The following VEPH1 variants were observed in gnomAD, a reference collection of about 807,000 sequenced individuals.
VEPH1 encodes ventricular zone expressed PH domain containing 1.
VEPH1 carries 80 observed loss-of-function variants against 85.2 expected under a neutral mutation model. The ratio of observed to expected loss-of-function variants is 0.94; its 90% CI spans 0.78 to 1.13. The LOEUF (loss-of-function observed/expected upper bound fraction) is 1.13. Ranked by LOEUF, VEPH1 falls within the 50% of genes most tolerant of loss-of-function variation. The pLI is 0.00. For synonymous variants in VEPH1, 297 were observed against 348.0 expected (o/e 0.85, Z 1.63); for missense variants, 955 against 980.5 (o/e 0.97, Z 0.35).
intron 12 of VEPH1, among the ~76,000 whole-genome samples, chr3:157,270,814 T>C (rs1037824923): frequency 6.6e-6 from 1 of 152,054 alleles, no homozygotes; most frequent in African/African-American, 2.4e-5. Flanking sequence ...TATGGCATTT[T>C]ACAAATTCTA....
chr3:157,435,951 T>C (rs1201957345), intron 4 of VEPH1, among the ~76,000 whole-genome samples: 6 of 152,316 alleles, frequency 3.9e-5, no homozygotes, highest in Middle Eastern at 3.4e-3. Context: ...CAGCTTTTTT[T>C]CCCCATTCTA....
In VEPH1 at chr3:157,342,789, T is replaced by G. The variant is rs557506335; in HGVS notation, c.1735+20575A>C. Among the ~76,000 whole-genome samples the G allele has an allele frequency of 1.3e-4, 20 of 152,238 alleles. 2 individuals are homozygous for G. In the South Asian group the frequency reaches 4.2e-3, roughly 32 times the overall value. On this transcript the variant is annotated intron_variant, in intron 9 of 13. Coordinates refer to ENST00000362010, the MANE Select transcript of VEPH1 (RefSeq NM_001167912.2). ...CACATAGTTGGAAGTAAAGCACTCC[T>G]CAGCAAATGTAAAAGAACAGAAATT...
chr3:157,335,132 A>T (rs1389736408), intron 9 of VEPH1, among the ~76,000 whole-genome samples: 1 of 152,186 alleles, frequency 6.6e-6, no homozygotes, highest in Non-Finnish European at 1.5e-5. Flanking sequence ...GCTGCTGTCA[A>T]AAAGCCCAAA....
At chr3:157,497,008 C>T (rs755138163) in intron 1 of VEPH1, among the ~76,000 whole-genome samples, 2 of 152,192 alleles carry the variant, frequency 1.3e-5, no homozygotes, top group Non-Finnish European at 2.9e-5. Context: ...GTCATCCCCA[C>T]TTTGTAGGTG....
At chr3:157,312,868 G>C (rs1366801238) in intron 11 of VEPH1, among the ~76,000 whole-genome samples, 1 of 148,652 alleles carries the variant, frequency 6.7e-6, no homozygotes, top group African/African-American at 2.5e-5. Context: ...CTACAGGCAT[G>C]TGCTACTATG....
chr3:157,501,288 C>T (rs1341354771), intron 1 of VEPH1, among the ~76,000 whole-genome samples: 2 of 152,124 alleles, frequency 1.3e-5, no homozygotes, highest in Non-Finnish European at 2.9e-5. Context: ...TTTTTGGCAA[C>T]CTTATCTTGT....
At chr3:157,311,207 T>C (rs1263650180) in intron 11 of VEPH1, among the ~76,000 whole-genome samples, 8 of 152,154 alleles carry the variant, frequency 5.3e-5, no homozygotes, top group African/African-American at 1.7e-4. Context: ...ATTCCAAGAT[T>C]CTATTAAAAA....
chr3:157,356,019 C>T (rs1165671876), intron 9 of VEPH1, among the ~76,000 whole-genome samples: 1 of 151,770 alleles, frequency 6.6e-6, no homozygotes, highest in African/African-American at 2.4e-5. Context: ...CTCACCTCAG[C>T]CTCCCAAGCA....
intron 4 of VEPH1, among the ~76,000 whole-genome samples, chr3:157,457,293 C>T (rs1402931368): frequency 6.6e-6 from 1 of 152,066 alleles, no homozygotes; most frequent in African/African-American, 2.4e-5. Flanking sequence ...GAGACTATGG[C>T]ATTTTCTAGA....
intron 9 of VEPH1, among the ~76,000 whole-genome samples, chr3:157,326,862 C>T (rs957126492): frequency 2.0e-4 from 31 of 152,218 alleles, no homozygotes; most frequent in African/African-American, 7.0e-4. Flanking sequence ...ATTAAAAGCA[C>T]AGCTCCTGAA....
chr3:157,317,653 G>A (rs1353004036), intron 9 of VEPH1, among the ~76,000 whole-genome samples: 1 of 152,142 alleles, frequency 6.6e-6, no homozygotes, highest in Non-Finnish European at 1.5e-5. Flanking sequence ...AATAACTCTG[G>A]CTGAGGTGTA....
chr3:157,372,942 C>T (rs1727678309), intron 7 of VEPH1, among the ~76,000 whole-genome samples: 1 of 152,162 alleles, frequency 6.6e-6, no homozygotes, highest in South Asian at 2.1e-4. Context: ...TGCAGATGGG[C>T]ACTGGTCTAG....
At position 157,413,988 on chromosome 3, in the gene VEPH1, C is replaced by G; in HGVS notation, c.799G>C (p.Val267Leu). The change falls in exon 6 of 14, where the codon GTG becomes CTG. Residue 267 changes from valine to leucine, a missense_variant. Physicochemically the swap from Val to Leu is conservative, Grantham distance 32. Transcript: ENST00000362010. The stretch of plus-strand genomic sequence containing the variant: ...ATTGGAAGAAAACTGTTCAAAGCCA[C>G]TGGCTCATAGACTGCTATCTCTATG... ...ILIEIAVYEP[V>L]ALNSFLPMLK... 1 of 1,613,650 alleles carries G rather than the reference C, an allele frequency of 6.2e-7. No individual in the cohort carries two copies. Among genetic ancestry groups the G allele is most frequent in the Non-Finnish European group, 8.5e-7 (1 of 1,179,750 alleles).
intron 4 of VEPH1, among the ~76,000 whole-genome samples, chr3:157,452,297 G>A (rs1433410837): frequency 6.6e-6 from 1 of 152,116 alleles, no homozygotes; most frequent in Non-Finnish European, 1.5e-5. Context: ...TGAATGTTAT[G>A]CCTGAGGAGG....
At chr3:157,348,888 C>T (rs1383517777) in intron 9 of VEPH1, among the ~76,000 whole-genome samples, 1 of 152,182 alleles carries the variant, frequency 6.6e-6, no homozygotes, top group Non-Finnish European at 1.5e-5. Context: ...TGCAGCACCC[C>T]CTTGCAGCCT....
intron 4 of VEPH1, chr3:157,459,572 T>A (rs1181546720): frequency 8.0e-6 from 9 of 1,121,958 alleles, no homozygotes; most frequent in Non-Finnish European, 9.9e-6. Context: ...CAAAAACATG[T>A]TTTTTGATTG....
At chr3:157,261,419 A>G in intron 13 of VEPH1, 49 bp from the exon 14 acceptor site, 4 of 1,598,492 alleles carry the variant, frequency 2.5e-6, no homozygotes, top group Non-Finnish European at 3.4e-6. Flanking sequence ...TACTGTAGGC[A>G]AGGATCTCTG....
rs370217046 is a variant in VEPH1 at position 157,276,489 on chromosome 3, CT to C, written c.2128+10067del. 8.7e-4 allele frequency among the ~76,000 whole-genome samples: 132 copies of C among 152,186 alleles called. 1 individual carries two copies. In the South Asian group the frequency reaches 0.014, roughly 16 times the overall value. ...TGATTCTTATGTTGCTCAAAAACTTCTAGGAAATAATTAGTATCTTCGTGGT... is the reference window on the plus strand; with the variant it reads ...TGATTCTTATGTTGCTCAAAAACTTCAGGAAATAATTAGTATCTTCGTGGT... On this transcript the variant is annotated intron_variant, in intron 12 of 13. Transcript: ENST00000362010.
chr3:157,414,707 G>A (rs1158641199), intron 5 of VEPH1, among the ~76,000 whole-genome samples: 1 of 152,002 alleles, frequency 6.6e-6, no homozygotes, highest in Non-Finnish European at 1.5e-5. Context: ...AAATTTATCT[G>A]AGAAAATGGA....
Sources: allele counts gnomAD v4.1 joint callset (sites outside exome capture counted in the v4.1 genomes callset), GRCh38; gene constraint gnomAD v4.1.1; transcripts MANE v1.5; gene names NCBI Gene and HGNC (gene_info 2026-07-23, HGNC 2026-07-21).